RASGRF1: variants seen among roughly 807,000 people sequenced by gnomAD.
RASGRF1 encodes the protein Ras protein specific guanine nucleotide releasing factor 1.
Under a neutral mutation model 138.7 loss-of-function variants are expected in RASGRF1, and 40 were observed. The observed-to-expected ratio is 0.29, with a 90% CI of 0.22 to 0.38. RASGRF1 has a LOEUF of 0.38. Ranked by LOEUF, RASGRF1 falls within the 10% of genes least tolerant of loss-of-function variation. The pLI is 1.00. For synonymous variants in RASGRF1, 614 were observed against 663.2 expected (o/e 0.93, Z 1.14); for missense variants, 1,108 against 1,650.4 (o/e 0.67, Z 5.69).
chr15:79,022,380 C>T (rs1027637749), intron 10 of RASGRF1, among the ~76,000 whole-genome samples: 2 of 151,984 alleles, frequency 1.3e-5, no homozygotes, highest in African/African-American at 4.8e-5. Flanking sequence ...GCAGAGGTTG[C>T]AGTGAGCCGA....
chr15:78,971,466 C>T (rs2055758728), intron 26 of RASGRF1, among the ~76,000 whole-genome samples: 1 of 152,164 alleles, frequency 6.6e-6, no homozygotes, highest in Admixed American at 6.6e-5. Flanking sequence ...TGGACCTAGA[C>T]ACAAGAAACG....
chr15:78,994,924 ACCTTTT>A (rs2056357572), intron 20 of RASGRF1, among the ~76,000 whole-genome samples: 1 of 131,206 alleles, frequency 7.6e-6, no homozygotes, highest in Admixed American at 7.6e-5. Context: ...CCCTTCCAGC[ACCTTTT>A]TTTTTTTTTT....
Position 79,006,548 on chromosome 15 carries a change from A to G in RASGRF1, c.1827-114T>C. Reference sequence around the variant, plus strand: ...CACACTGACAACACAGGATGGTCTTATTAAGAGAACAAGCTTGGGAAGGAT... The same window carrying G: ...CACACTGACAACACAGGATGGTCTTGTTAAGAGAACAAGCTTGGGAAGGAT... On this transcript the variant is annotated intron_variant, in intron 13 of 26. Transcript: ENST00000558480. This position sits in a 1 kb window ranked among gnomAD's most constrained non-coding sequence, Gnocchi z 4.0. 1 of 1,302,722 alleles carries G rather than the reference A, an allele frequency of 7.7e-7. No homozygotes were observed. The highest frequency in any genetic ancestry group is 1.0e-6 in the Non-Finnish European group (1 of 958,716). The allele number at this position is 1,302,722 out of a possible 1,614,324, so 80.7% of individuals were successfully genotyped here. A position where few individuals can be genotyped will look rare whatever the true frequency, so the allele number is the denominator to read the frequency against.
chr15:78,985,346 C>T, intron 22 of RASGRF1, 142 bp from the exon 23 acceptor site: 1 of 883,304 alleles, frequency 1.1e-6, no homozygotes, highest in Non-Finnish European at 1.7e-6. Flanking sequence ...ACAGAGCTTG[C>T]TAGGGTTGCT....
chr15:79,033,361 G>C (rs1157797504), intron 6 of RASGRF1, among the ~76,000 whole-genome samples: 1 of 151,826 alleles, frequency 6.6e-6, no homozygotes, highest in Non-Finnish European at 1.5e-5. Context: ...TCCCACCTCA[G>C]CCTCCCAAGT....
At chr15:78,985,994 A>C (rs1015188682) in intron 22 of RASGRF1, 1 of 151,932 alleles carries the variant, frequency 6.6e-6, no homozygotes, top group Non-Finnish European at 1.5e-5. Context: ...TACCAACGAG[A>C]GCTTTCTCTA....
At chr15:78,986,580 C>G (rs2056163472) in intron 22 of RASGRF1, among the ~76,000 whole-genome samples, 1 of 152,088 alleles carries the variant, frequency 6.6e-6, no homozygotes, top group South Asian at 2.1e-4. Context: ...CTCCTGACCT[C>G]AAGTGATCTG....
chr15:79,088,476 C>T (rs1218725404), intron 1 of RASGRF1, among the ~76,000 whole-genome samples: 1 of 152,212 alleles, frequency 6.6e-6, no homozygotes, highest in Non-Finnish European at 1.5e-5. Context: ...TGAAGTCACA[C>T]AGCCAGGAAG....
intron 24 of RASGRF1, among the ~76,000 whole-genome samples, chr15:78,975,404 AAG>A (rs72409428): frequency 0.31 from 45,786 of 147,978 alleles, 7,491 homozygotes; most frequent in African/African-American, 0.44. Flanking sequence ...TAAAAAAAAA[AAG>A]AAAAGAGTAA....
intron 1 of RASGRF1, among the ~76,000 whole-genome samples, chr15:79,084,420 C>T (rs1014853146): frequency 6.6e-6 from 1 of 152,228 alleles, no homozygotes; most frequent in Non-Finnish European, 1.5e-5. Flanking sequence ...TGAGTGCAGG[C>T]AGACCCCAAA....
chr15:79,008,588 G>T (rs2056733097), intron 13 of RASGRF1, among the ~76,000 whole-genome samples: 1 of 152,202 alleles, frequency 6.6e-6, no homozygotes, highest in South Asian at 2.1e-4. Flanking sequence ...AAACAAGAGT[G>T]CTAAATTGAA....
At position 79,064,279 on chromosome 15, in the gene RASGRF1, C is replaced by A. The variant is rs967631644; in HGVS notation, c.383+141G>T. 1.3e-5 allele frequency: 10 copies of A among 748,850 alleles called. No homozygotes were observed. In the Middle Eastern group the frequency reaches 1.2e-3, roughly 88 times the overall value. The allele number at this position is 748,850 out of a possible 1,614,324, so 46.4% of individuals were successfully genotyped here. On this transcript the variant is annotated intron_variant, in intron 2 of 26. Coordinates refer to ENST00000558480, the MANE Select transcript of RASGRF1 (RefSeq NM_001145648.3). The stretch of plus-strand genomic sequence containing the variant: ...CAGAGGTGCAGGATGTAAGGGTGGA[C>A]CCTGCCAAGAGATGCTTCTCCTCCT...
chr15:79,018,546 G>T (rs1418185378), intron 11 of RASGRF1, among the ~76,000 whole-genome samples: 1 of 152,210 alleles, frequency 6.6e-6, no homozygotes, highest in African/African-American at 2.4e-5. Context: ...ATGGTGTAAA[G>T]GGCCTGCTTT....
intron 13 of RASGRF1, chr15:79,012,589 T>C: frequency 6.2e-7 from 1 of 1,607,666 alleles, no homozygotes; most frequent in Non-Finnish European, 8.5e-7. Flanking sequence ...GTAAGTTTAA[T>C]CTGGACATTC....
intron 1 of RASGRF1, among the ~76,000 whole-genome samples, chr15:79,089,428 C>T (rs1291692000): frequency 6.6e-6 from 1 of 152,256 alleles, no homozygotes; most frequent in African/African-American, 2.4e-5. Context: ...AGAGCCAGGC[C>T]TGGCTCTTCA....
chr15:78,981,296 G>C (rs1463519587), intron 23 of RASGRF1: 5 of 152,274 alleles, frequency 3.3e-5, no homozygotes, highest in African/African-American at 1.2e-4. Context: ...CAGAGTTTCG[G>C]TGGCTGGAGT....
chr15:79,020,413 C>A (rs1449156506), intron 10 of RASGRF1, among the ~76,000 whole-genome samples: 2 of 152,232 alleles, frequency 1.3e-5, no homozygotes, highest in Non-Finnish European at 2.9e-5. Flanking sequence ...TTCTTGCTTC[C>A]ACAGCAGCTC....
chr15:78,970,397 A>G (rs924291252), intron 26 of RASGRF1, among the ~76,000 whole-genome samples: 60 of 152,250 alleles, frequency 3.9e-4, no homozygotes, highest in African/African-American at 1.4e-3. Context: ...GGCGTGCCAG[A>G]CCAGCCATTC....
chr15:78,971,989 C>T, intron 25 of RASGRF1, 55 bp from the exon 26 acceptor site: 1 of 1,463,562 alleles, frequency 6.8e-7, no homozygotes, highest in Non-Finnish European at 9.6e-7. Context: ...GTTCCACCCC[C>T]AACTTTGCAG....
Sources: allele counts gnomAD v4.1 joint callset (sites outside exome capture counted in the v4.1 genomes callset), GRCh38; gene constraint gnomAD v4.1.1; non-coding constraint Gnocchi (gnomAD v3.1); transcripts MANE v1.5; gene names NCBI Gene and HGNC (gene_info 2026-07-23, HGNC 2026-07-21).